Variants in CACNA1E observed in about 807,000 individuals in gnomAD.
The protein encoded by CACNA1E is calcium voltage-gated channel subunit alpha1 E.
In CACNA1E, 40 loss-of-function variants were observed where a neutral mutation model predicts 259.2. That is an observed-to-expected ratio of 0.15 (90% confidence interval 0.12 to 0.20). The LOEUF (loss-of-function observed/expected upper bound fraction) is 0.20, where lower values mean the gene tolerates loss of function less well. Among genes scored for constraint, CACNA1E ranks in the 10% least tolerant of loss-of-function variants. CACNA1E has a pLI of 1.00. For synonymous variants in CACNA1E, 1,104 were observed against 1,138.5 expected (o/e 0.97, Z 0.61); for missense variants, 1,874 against 3,040.1 (o/e 0.62, Z 9.02).
intron 26 of CACNA1E, 67 bp downstream of exon 26, chr1:181,750,554 G>A: frequency 6.9e-7 from 1 of 1,453,940 alleles, no homozygotes; most frequent in South Asian, 1.1e-5. Context: ...GAGAAAGTAT[G>A]GTTGGGAGGG....
intron 1 of CACNA1E, among the ~76,000 whole-genome samples, chr1:181,376,535 C>A (rs1571706249): frequency 6.6e-6 from 1 of 152,314 alleles, no homozygotes; most frequent in East Asian, 1.9e-4. Flanking sequence ...TGGGAGGCAG[C>A]TTGTGTTACA....
chr1:181,714,522 C>A (rs1259548869), intron 8 of CACNA1E, among the ~76,000 whole-genome samples: 3 of 152,204 alleles, frequency 2.0e-5, no homozygotes, highest in Non-Finnish European at 4.4e-5. Context: ...ATCTCTAGTG[C>A]CCCTCCTCCC....
At chr1:181,679,598 G>A (rs1649726314) in intron 7 of CACNA1E, among the ~76,000 whole-genome samples, 1 of 152,154 alleles carries the variant, frequency 6.6e-6, no homozygotes, top group African/African-American at 2.4e-5. Context: ...CTTAGAGCTG[G>A]CTTGGTCTCA....
At chr1:181,332,597 T>C (rs1651373297) in intron 1 of CACNA1E, among the ~76,000 whole-genome samples, 1 of 152,238 alleles carries the variant, frequency 6.6e-6, no homozygotes, top group Non-Finnish European at 1.5e-5. Flanking sequence ...ATAATTTTAA[T>C]TCTTATTTTC....
At chr1:181,426,453 G>A (rs1659212247) in intron 2 of CACNA1E, among the ~76,000 whole-genome samples, 1 of 108,600 alleles carries the variant, frequency 9.2e-6, no homozygotes, top group African/African-American at 3.7e-5. Flanking sequence ...TCCCATCATG[G>A]CCCCATCACA....
intron 1 of CACNA1E, among the ~76,000 whole-genome samples, chr1:181,387,130 G>A (rs1233120030): frequency 2.0e-5 from 3 of 152,110 alleles, no homozygotes; most frequent in Non-Finnish European, 4.4e-5. Context: ...AAGCCAAGCC[G>A]TGTGACCTCT....
chr1:181,606,311 A>C (rs531316440), intron 6 of CACNA1E, among the ~76,000 whole-genome samples: 1 of 152,114 alleles, frequency 6.6e-6, no homozygotes, highest in African/African-American at 2.4e-5. Flanking sequence ...TCCTAGTAAA[A>C]CAGCTCTACC....
At chr1:181,366,986 A>C (rs1010364935) in intron 1 of CACNA1E, among the ~76,000 whole-genome samples, 1 of 152,042 alleles carries the variant, frequency 6.6e-6, no homozygotes, top group Non-Finnish European at 1.5e-5. Flanking sequence ...CCATTTTGTG[A>C]TTCTGTGTCT....
intron 1 of CACNA1E, among the ~76,000 whole-genome samples, chr1:181,367,303 G>A (rs539734724): frequency 6.6e-6 from 1 of 152,120 alleles, no homozygotes; most frequent in South Asian, 2.1e-4. Flanking sequence ...AATTGTCACC[G>A]TCTCATCTCT....
At chr1:181,331,215 G>A (rs1306669748) in intron 1 of CACNA1E, among the ~76,000 whole-genome samples, 1 of 151,598 alleles carries the variant, frequency 6.6e-6, no homozygotes, top group Non-Finnish European at 1.5e-5. Context: ...ATCAATAGGA[G>A]ATAGATAGAT....
At chr1:181,476,247 C>T (rs1662843720) in intron 2 of CACNA1E, among the ~76,000 whole-genome samples, 2 of 152,164 alleles carry the variant, frequency 1.3e-5, no homozygotes, top group Admixed American at 1.3e-4. Flanking sequence ...CAAAACTGGC[C>T]TTAAGTCCAT....
intron 7 of CACNA1E, among the ~76,000 whole-genome samples, chr1:181,663,211 G>A (rs927288837): frequency 2.0e-5 from 3 of 152,064 alleles, no homozygotes; most frequent in African/African-American, 7.2e-5. Flanking sequence ...TCATCTGCCC[G>A]ATACCATGGT....
At chr1:181,377,523 G>A (rs1655186784) in intron 1 of CACNA1E, among the ~76,000 whole-genome samples, 1 of 152,116 alleles carries the variant, frequency 6.6e-6, no homozygotes, top group Non-Finnish European at 1.5e-5. Context: ...TTACAGCAGG[G>A]ATGAAATAGG....
chr1:181,549,354 C>T (rs180916921), intron 3 of CACNA1E, among the ~76,000 whole-genome samples: 1 of 152,186 alleles, frequency 6.6e-6, no homozygotes, highest in African/African-American at 2.4e-5. Flanking sequence ...TACCAAGGGG[C>T]CAGAGTGAGA....
chr1:181,347,278 G>A lies in CACNA1E; in HGVS notation c.-15+29155G>A, dbSNP rs541302963. Among the ~76,000 whole-genome samples the A allele has an allele frequency of 3.3e-5, 5 of 152,276 alleles. No homozygotes were observed. The South Asian group carries it at 1.0e-3, about 32-fold the overall frequency. ...TAGGGTTTGTCTAATTTTCTGTAAA[G>A]CATGACTGTTCATGGAGGCAGAAAG... On this transcript the variant is annotated intron_variant, in intron 1 of 11. Coordinates refer to the CACNA1E transcript ENST00000524607.
chr1:181,726,295 C>T, intron 18 of CACNA1E, 133 bp downstream of exon 18: 1 of 619,446 alleles, frequency 1.6e-6, no homozygotes, highest in Admixed American at 2.8e-5. Flanking sequence ...CAGCAGTGAG[C>T]CAGACAGAGT....
intron 6 of CACNA1E, among the ~76,000 whole-genome samples, chr1:181,613,717 C>T (rs568591870): frequency 1.3e-5 from 2 of 152,182 alleles, no homozygotes; most frequent in East Asian, 3.8e-4. Flanking sequence ...TTAGCCTATT[C>T]CTTCCAGCCT....
chr1:181,418,247 C>G (rs1658432246), intron 2 of CACNA1E, among the ~76,000 whole-genome samples: 1 of 152,188 alleles, frequency 6.6e-6, no homozygotes, highest in East Asian at 1.9e-4. Context: ...ATCCTCCTGC[C>G]TCAGCCTCCT....
In CACNA1E at chr1:181,801,322, A is replaced by G. The variant is rs1029928854; in HGVS notation, c.*2488A>G. The G allele has an allele frequency of 1.3e-5, 2 of 152,616 alleles. No individual in the cohort carries two copies. Among genetic ancestry groups the G allele is most frequent in the East Asian group, 1.9e-4 (1 of 5,194 alleles). 9.5% of individuals were successfully genotyped at this position (152,616 alleles called of 1,614,324 possible). ...GAAATGGAATTTGCCTGCAAATAGT[A>G]TAAACAACACTAAATTTACTGTGCC... is the stretch of plus-strand genomic sequence containing the variant. On this transcript the variant is annotated 3_prime_UTR_variant, in exon 48 of 48. Transcript: ENST00000367573.
Sources: gnomAD v4.1 joint callset for allele counts (sites outside exome capture counted in the v4.1 genomes callset) on GRCh38, gnomAD v4.1.1 for gene constraint, MANE v1.5 for transcripts, NCBI Gene and HGNC (gene_info 2026-07-23, HGNC 2026-07-21) for gene names.